The following PALS1 variants were observed in gnomAD, a reference collection of about 807,000 sequenced individuals.
PALS1 encodes protein associated with LIN7 1, MAGUK p55 family member.
PALS1 carries 31 observed loss-of-function variants against 78.9 expected under a neutral mutation model. The observed-to-expected ratio is 0.39, with a 90% CI of 0.30 to 0.53. The LOEUF (loss-of-function observed/expected upper bound fraction) is 0.53. Ranked by LOEUF, PALS1 falls within the 20% of genes least tolerant of loss-of-function variation. The pLI is 0.67. For missense variants in PALS1, 704 were observed against 826.5 expected (o/e 0.85, Z 1.82); for synonymous variants, 276 against 270.9 (o/e 1.02, Z -0.18).
chr14:67,274,895 G>A (rs1567514544), intron 2 of PALS1, among the ~76,000 whole-genome samples: 1 of 152,064 alleles, frequency 6.6e-6, no homozygotes, highest in Non-Finnish European at 1.5e-5. Context: ...TTGTGAATGG[G>A]AGTTCACTCA....
intron 4 of PALS1, among the ~76,000 whole-genome samples, chr14:67,296,762 TC>T (rs2084860182): frequency 6.6e-6 from 1 of 152,042 alleles, no homozygotes; most frequent in East Asian, 1.9e-4. Flanking sequence ...TGAGACAGAG[TC>T]TTGCTCTGTC....
chr14:67,253,597 C>T (rs1728028756), intron 1 of PALS1, among the ~76,000 whole-genome samples: 1 of 152,128 alleles, frequency 6.6e-6, no homozygotes. Flanking sequence ...GTAATCCCAG[C>T]ACTTTGGGAG....
chr14:67,332,815 A>G lies in PALS1; in HGVS notation c.1887A>G (p.Arg629=), dbSNP rs1382907692. ...TGAGAGAAATCATTGAGAAGACAAGAGAGATGGAGCAGAACAATGGCCACT... is the reference window on the plus strand; with the variant it reads ...TGAGAGAAATCATTGAGAAGACAAGGGAGATGGAGCAGAACAATGGCCACT... The part of the protein sequence containing the change: ...EELREIIEKT[R]EMEQNNGHYF... The change falls in exon 15 of 15, where the codon AGA becomes AGG. Residue 629 remains arginine (R), a synonymous_variant. Transcript: ENST00000261681. The G allele has an allele frequency of 8.7e-6, 14 of 1,613,392 alleles. No individual in the cohort carries two copies. The Admixed American group carries it at 2.3e-4, about 27-fold the overall frequency.
At chr14:67,286,996 T>G (rs1036835192) in intron 3 of PALS1, among the ~76,000 whole-genome samples, 2 of 152,076 alleles carry the variant, frequency 1.3e-5, no homozygotes, top group East Asian at 1.9e-4. Flanking sequence ...GGTGGGTGGA[T>G]CACTTGAGTC....
At chr14:67,311,298 G>A (rs548866192) in intron 8 of PALS1, among the ~76,000 whole-genome samples, 3 of 133,186 alleles carry the variant, frequency 2.3e-5, no homozygotes, top group African/African-American at 8.9e-5. Context: ...GCAACAGAGC[G>A]AGACTCCGTC....
Position 67,314,244 on chromosome 14 carries a change from G to A in PALS1, c.1225+1534G>A, listed in dbSNP as rs76240174. On this transcript the variant is annotated intron_variant, in intron 9 of 14. Transcript: ENST00000261681. ...AGAAATATTGACTATGAGATACATA[G>A]TAGGAACAGAGGAAGTTGTCCAAAG... 1.9e-3 allele frequency among the ~76,000 whole-genome samples: 292 copies of A among 152,304 alleles called. 4 individuals carry two copies. In the East Asian group the frequency reaches 0.029, roughly 15 times the overall value.
intron 1 of PALS1, among the ~76,000 whole-genome samples, chr14:67,243,470 G>A (rs1196674490): frequency 1.4e-5 from 2 of 146,762 alleles, no homozygotes; most frequent in Admixed American, 7.0e-5. Flanking sequence ...TTACAGGCGT[G>A]AGCCACCGCC....
chr14:67,264,004 C>T (rs1262748121), intron 1 of PALS1, among the ~76,000 whole-genome samples: 4 of 152,004 alleles, frequency 2.6e-5, no homozygotes, highest in Non-Finnish European at 4.4e-5. Context: ...CTTAAGTGAT[C>T]CTCCCACCTC....
At chr14:67,290,439 G>A (rs1011688979) in intron 3 of PALS1, among the ~76,000 whole-genome samples, 6 of 152,332 alleles carry the variant, frequency 3.9e-5, no homozygotes, top group African/African-American at 7.2e-5. Flanking sequence ...GTCTCACTCA[G>A]TTGCCCAGGC....
At chr14:67,314,444 A>G (rs917802998) in intron 9 of PALS1, among the ~76,000 whole-genome samples, 1 of 152,218 alleles carries the variant, frequency 6.6e-6, no homozygotes, top group Non-Finnish European at 1.5e-5. Context: ...GATTTTGTCT[A>G]TATCAGTCAT....
chr14:67,284,547 T>TAA lies in PALS1; in HGVS notation c.367+5050_367+5051dup, dbSNP rs36207191. ...GCCCAGGAGATCGAGGCTGCAGTGC[T>TAA]AAAAAAAAAAAAAAAAAAAAAAAAA... On this transcript the variant is annotated intron_variant, in intron 3 of 14. Coordinates refer to ENST00000261681, the MANE Select transcript of PALS1 (RefSeq NM_022474.4). 6.8e-3 allele frequency among the ~76,000 whole-genome samples: 159 copies of TAA among 23,284 alleles called. 45 individuals are homozygous for TAA. Among genetic ancestry groups the TAA allele is most frequent in the Non-Finnish European group, 0.011 (113 of 10,212 alleles). The allele number at this position is 23,284 out of a possible 152,430, so 15.3% of individuals were successfully genotyped here. A position where few individuals can be genotyped will look rare whatever the true frequency, so the allele number is the denominator to read the frequency against.
chr14:67,316,590 T>A (rs2085179527), intron 9 of PALS1, among the ~76,000 whole-genome samples: 1 of 152,226 alleles, frequency 6.6e-6, no homozygotes, highest in East Asian at 1.9e-4. Flanking sequence ...ATTAAATTTT[T>A]AAATATTTTA....
At chr14:67,301,318 T>A in intron 4 of PALS1, 71 bp from the exon 5 acceptor site, 1 of 781,078 alleles carries the variant, frequency 1.3e-6, no homozygotes, top group Non-Finnish European at 2.0e-6. Flanking sequence ...TTAAAAAATA[T>A]GACCCTGCAT....
rs762217699 is a variant in PALS1 at position 67,333,259 on chromosome 14, T to G, written c.*303T>G. On this transcript the variant is annotated 3_prime_UTR_variant, in exon 15 of 15. Transcript: ENST00000261681. The stretch of plus-strand genomic sequence containing the variant: ...ACCTTTTGTTTTCACCTAAACCCTT[T>G]CTGCTTAGTTGTATCTCTGTGAAAA... The G allele has an allele frequency of 5.6e-5, 12 of 216,024 alleles. No individual in the cohort carries two copies. The highest frequency in any genetic ancestry group is 7.4e-5 in the Non-Finnish European group (8 of 108,466). The allele number at this position is 216,024 out of a possible 1,614,324, so 13.4% of individuals were successfully genotyped here.
In PALS1 at chr14:67,250,965, A is replaced by G. The variant is rs145035367; in HGVS notation, c.-237+9432A>G. 1.8e-4 allele frequency among the ~76,000 whole-genome samples: 28 copies of G among 152,186 alleles called. No individual in the cohort carries two copies. In the East Asian group the frequency reaches 3.3e-3, roughly 18 times the overall value. On this transcript the variant is annotated intron_variant, in intron 1 of 14. Coordinates refer to ENST00000261681, the MANE Select transcript of PALS1 (RefSeq NM_022474.4). ...GCTGTATGCTGTATCCTTTGTATGTATTTCTTAAATATTAACAACTACATT... is the reference window on the plus strand; with the variant it reads ...GCTGTATGCTGTATCCTTTGTATGTGTTTCTTAAATATTAACAACTACATT...
chr14:67,273,208 C>G (rs2084439902), intron 2 of PALS1, among the ~76,000 whole-genome samples: 1 of 151,212 alleles, frequency 6.6e-6, no homozygotes, highest in Non-Finnish European at 1.5e-5. Flanking sequence ...TGTTGGTGTG[C>G]TGCACCCATT....
intron 1 of PALS1, among the ~76,000 whole-genome samples, chr14:67,266,143 C>T (rs545004841): frequency 3.9e-5 from 6 of 151,950 alleles, no homozygotes; most frequent in African/African-American, 9.6e-5. Flanking sequence ...TTGAGTTAAA[C>T]GAGTTCAGTT....
chr14:67,321,193 T>C lies in PALS1; in HGVS notation c.1674T>C (p.Thr558=), dbSNP rs770387369. ...AATTTGAGAAGAATTTGTATGGAACTAGCATAGATTCTGTACGGCAAGTGA... is the reference window on the plus strand; with the variant it reads ...AATTTGAGAAGAATTTGTATGGAACCAGCATAGATTCTGTACGGCAAGTGA... ...HGEFEKNLYG[T]SIDSVRQVIN... is the part of the protein sequence containing the mutation. The change falls in exon 13 of 15, where the codon ACT becomes ACC. Residue 558 remains threonine (T), a synonymous_variant. Transcript: ENST00000261681. 1 of 1,614,218 alleles carries C rather than the reference T, an allele frequency of 6.2e-7. No homozygotes were observed. The highest frequency in any genetic ancestry group is 2.2e-5 in the East Asian group (1 of 44,890).
intron 1 of PALS1, among the ~76,000 whole-genome samples, chr14:67,258,051 G>A (rs535722716): frequency 1.3e-5 from 2 of 151,772 alleles, no homozygotes; most frequent in Non-Finnish European, 2.9e-5. Context: ...TTGGCAATAG[G>A]TAGGTGTGGT....
Sources: allele counts gnomAD v4.1 joint callset (sites outside exome capture counted in the v4.1 genomes callset), GRCh38; gene constraint gnomAD v4.1.1; transcripts MANE v1.5; gene names NCBI Gene and HGNC (gene_info 2026-07-23, HGNC 2026-07-21).